Variants in F2R observed in about 807,000 individuals in gnomAD.
F2R encodes the protein proteinase-activated receptor 1.
Under a neutral mutation model 18.3 loss-of-function variants are expected in F2R, and 12 were observed. That is an observed-to-expected ratio of 0.66 (90% CI 0.42 to 1.06). F2R has a LOEUF of 1.06. Among genes scored for constraint, F2R ranks in the 50% least tolerant of loss-of-function variants. The probability of loss-of-function intolerance (pLI) is 0.00; values close to 1 mark genes in which losing one functional copy is unlikely to be tolerated. For missense variants in F2R, 438 were observed against 530.8 expected, an observed-to-expected ratio of 0.83 and a Z score of 1.72; for synonymous variants, 210 against 219.9, an observed-to-expected ratio of 0.95 and a Z score of 0.40.
At chr5:76,723,737 T>TA in intron 1 of F2R, among the ~76,000 whole-genome samples, 1 of 152,274 alleles carries the variant, frequency 6.6e-6, no homozygotes, top group Admixed American at 6.5e-5. Flanking sequence ...GCCCTTAACT[T>TA]CTAGTGGCAA....
At chr5:76,729,829 TAGG>T (rs1406403777) in intron 1 of F2R, among the ~76,000 whole-genome samples, 3 of 152,154 alleles carry the variant, frequency 2.0e-5, no homozygotes, top group Non-Finnish European at 4.4e-5. Flanking sequence ...AGGGACCCAG[TAGG>T]AGATGATTGA....
At chr5:76,718,893 C>T (rs1414826487) in intron 1 of F2R, among the ~76,000 whole-genome samples, 1 of 152,146 alleles carries the variant, frequency 6.6e-6, no homozygotes, top group Admixed American at 6.5e-5. Context: ...TGCTACCCTC[C>T]TACTCACAGA....
chr5:76,732,808 G>A lies in F2R; in HGVS notation c.583G>A (p.Val195Ile), dbSNP rs1005319134. The A allele has an allele frequency of 6.2e-7, 1 of 1,614,186 alleles. No individual in the cohort carries two copies. Among genetic ancestry groups the A allele is most frequent in the African/African-American group, 1.3e-5 (1 of 75,042 alleles). Residue 195 changes from valine (V) to isoleucine (I), a missense_variant, in exon 2 of 2, where the codon GTC becomes ATC. Transcript: ENST00000319211. ...GTACGCCTCTATCTTGCTCATGACA[G>A]TCATAAGCATTGACCGGTTTCTGGC... is the stretch of plus-strand genomic sequence containing the variant. ...NMYASILLMT[V>I]ISIDRFLAVV...
chr5:76,719,380 A>T (rs1166337200), intron 1 of F2R, among the ~76,000 whole-genome samples: 1 of 152,236 alleles, frequency 6.6e-6, no homozygotes, highest in African/African-American at 2.4e-5. Context: ...ACTTGAGGCC[A>T]GGAGTTTGAG....
At position 76,733,197 on chromosome 5, in the gene F2R, T is replaced by C; in HGVS notation, c.972T>C (p.Ile324=). 1.2e-6 allele frequency: 2 copies of C among 1,614,172 alleles called. No individual in the cohort carries two copies. The highest frequency in any genetic ancestry group is 4.5e-5 in the East Asian group (2 of 44,884). ...CTGCTGTTTTCTGCATCTTCATCAT[T>C]TGCTTCGGACCCACAAACGTCCTCC... ...LSAAVFCIFI[I]CFGPTNVLLI... The change falls in exon 2 of 2, where the codon ATT becomes ATC. Residue 324 remains isoleucine (I), a synonymous_variant. Coordinates refer to ENST00000319211, the MANE Select transcript of F2R (RefSeq NM_001992.5).
intron 1 of F2R, among the ~76,000 whole-genome samples, chr5:76,718,512 G>T (rs1748384682): frequency 6.6e-6 from 1 of 152,196 alleles, no homozygotes; most frequent in African/African-American, 2.4e-5. Context: ...CCCAGGGCTG[G>T]CCCTGACCAC....
At chr5:76,720,167 G>T (rs116029050) in intron 1 of F2R, among the ~76,000 whole-genome samples, 1,692 of 152,188 alleles carry the variant, frequency 0.011, 41 homozygotes, top group African/African-American at 0.039. Flanking sequence ...AGGTTCTCAG[G>T]GTCTGGGTGC....
chr5:76,728,147 C>T (rs1476583587), intron 1 of F2R, among the ~76,000 whole-genome samples: 2 of 152,120 alleles, frequency 1.3e-5, no homozygotes, highest in Non-Finnish European at 2.9e-5. Flanking sequence ...ATGGCTAAAT[C>T]AAACTTATAA....
chr5:76,728,264 G>A (rs144674834), intron 1 of F2R, among the ~76,000 whole-genome samples: 82 of 152,094 alleles, frequency 5.4e-4, no homozygotes, highest in African/African-American at 1.8e-3. Context: ...TATAGTCACC[G>A]TATTATACAA....
Position 76,733,021 on chromosome 5 carries a change from T to C in F2R, c.796T>C (p.Tyr266His). Residue 266 changes from tyrosine (Y) to histidine (H), a missense_variant, in exon 2 of 2, where the codon TAC becomes CAC. Tyr to His is a moderately conservative substitution (Grantham distance 83). Coordinates refer to ENST00000319211, the MANE Select transcript of F2R (RefSeq NM_001992.5). ...DVLNETLLEG[Y>H]YAYYFSAFSA... ...GCTCAATGAAACCCTGCTCGAAGGCTACTATGCCTACTACTTCTCAGCCTT... is the reference window on the plus strand; with the variant it reads ...GCTCAATGAAACCCTGCTCGAAGGCCACTATGCCTACTACTTCTCAGCCTT... The C allele has an allele frequency of 1.2e-6, 2 of 1,614,224 alleles. No individual in the cohort carries two copies. The highest frequency in any genetic ancestry group is 1.7e-6 in the Non-Finnish European group (2 of 1,180,036).
chr5:76,716,949 G>A (rs997479162), intron 1 of F2R, among the ~76,000 whole-genome samples: 1 of 152,172 alleles, frequency 6.6e-6, no homozygotes, highest in Non-Finnish European at 1.5e-5. Context: ...GTGTCCAGGA[G>A]GTGCGCAGGG....
At chr5:76,716,537 T>C (rs747182331) in intron 1 of F2R, 142 bp downstream of exon 1, 42 of 789,900 alleles carry the variant, frequency 5.3e-5, no homozygotes, top group Non-Finnish European at 1.3e-5. Flanking sequence ...TCTGGAGTTT[T>C]TTCCAGTCAC....
In F2R at chr5:76,733,692, G is replaced by T. The variant is rs919455506; in HGVS notation, c.*189G>T. ...AATTACCAGAAAGATAACAGGACGA[G>T]ATGACGGTGTTATTCCAAGGGAATA... is the stretch of plus-strand genomic sequence containing the variant. On this transcript the variant is annotated 3_prime_UTR_variant, in exon 2 of 2. Transcript: ENST00000319211. The T allele has an allele frequency of 4.2e-4, 243 of 582,124 alleles. 1 individual carries two copies. The highest frequency in any genetic ancestry group is 6.4e-5 in the Non-Finnish European group (21 of 330,104). The allele number at this position is 582,124 out of a possible 1,614,324, so 36.1% of individuals were successfully genotyped here. A position where few individuals can be genotyped will look rare whatever the true frequency, so the allele number is the denominator to read the frequency against.
At position 76,725,643 on chromosome 5, in the gene F2R, T is replaced by C. The variant is rs146081631; in HGVS notation, c.89-6671T>C. ...CTACATTTTTTCTTTTCTTTTTTTTTCCGACATTCTTTAATTTCACAAAAA... is the reference window on the plus strand; with the variant it reads ...CTACATTTTTTCTTTTCTTTTTTTTCCCGACATTCTTTAATTTCACAAAAA... On this transcript the variant is annotated intron_variant, in intron 1 of 1. Coordinates refer to ENST00000319211, the MANE Select transcript of F2R (RefSeq NM_001992.5). 2.5e-3 allele frequency among the ~76,000 whole-genome samples: 381 copies of C among 152,280 alleles called. 1 individual carries two copies. The highest frequency in any genetic ancestry group is 8.6e-3 in the African/African-American group (357 of 41,548).
At chr5:76,731,050 G>A (rs1452821740) in intron 1 of F2R, among the ~76,000 whole-genome samples, 1 of 152,146 alleles carries the variant, frequency 6.6e-6, no homozygotes, top group Non-Finnish European at 1.5e-5. Context: ...AAAAACCTTG[G>A]TTGGTCTGGC....
At chr5:76,717,288 G>T (rs1748364360) in intron 1 of F2R, among the ~76,000 whole-genome samples, 1 of 152,246 alleles carries the variant, frequency 6.6e-6, no homozygotes, top group East Asian at 1.9e-4. Context: ...CAGCACAGAT[G>T]AGTTGTTTTT....
intron 1 of F2R, among the ~76,000 whole-genome samples, chr5:76,722,999 G>C (rs991196402): frequency 6.6e-6 from 1 of 151,744 alleles, no homozygotes; most frequent in East Asian, 1.9e-4. Flanking sequence ...TTCTGTAGCA[G>C]AGATTTTTGT....
intron 1 of F2R, among the ~76,000 whole-genome samples, chr5:76,721,333 G>A (rs771615980): frequency 1.2e-4 from 18 of 151,980 alleles, no homozygotes; most frequent in African/African-American, 2.4e-4. Context: ...TAAAACTGTC[G>A]TCATAAATAG....
At chr5:76,717,039 A>G (rs2150579243) in intron 1 of F2R, among the ~76,000 whole-genome samples, 1 of 152,306 alleles carries the variant, frequency 6.6e-6, no homozygotes, top group Non-Finnish European at 1.5e-5. Context: ...GTTGTTACCT[A>G]GAACCCATTC....
Sources: allele counts gnomAD v4.1 joint callset (sites outside exome capture counted in the v4.1 genomes callset), GRCh38; gene constraint gnomAD v4.1.1; transcripts MANE v1.5; gene names NCBI Gene and HGNC (gene_info 2026-07-23, HGNC 2026-07-21).